ST6GALNAC3: variants seen among roughly 807,000 people sequenced by gnomAD.
ST6GALNAC3 encodes alpha-N-acetylgalactosaminide alpha-2,6-sialyltransferase 3.
Under a neutral mutation model 32.7 loss-of-function variants are expected in ST6GALNAC3, and 25 were observed. The observed-to-expected ratio is 0.76, with a 90% confidence interval of 0.56 to 1.07. The LOEUF (loss-of-function observed/expected upper bound fraction) is 1.07. Among genes scored for constraint, ST6GALNAC3 ranks in the 50% least tolerant of loss-of-function variants. The probability of loss-of-function intolerance (pLI) is 0.00; values close to 1 mark genes in which losing one functional copy is unlikely to be tolerated. For synonymous variants in ST6GALNAC3, 129 were observed against 133.1 expected (o/e 0.97, Z 0.21); for missense variants, 355 against 382.4 (o/e 0.93, Z 0.60).
At chr1:76,086,355 G>C (rs1309861262) in intron 1 of ST6GALNAC3, among the ~76,000 whole-genome samples, 1 of 152,158 alleles carries the variant, frequency 6.6e-6, no homozygotes, top group African/African-American at 2.4e-5. Context: ...GGTGAAAGAC[G>C]ATAGTTTTTT....
chr1:76,276,285 C>A (rs1411081558), intron 1 of ST6GALNAC3, among the ~76,000 whole-genome samples: 3 of 151,892 alleles, frequency 2.0e-5, no homozygotes, highest in Admixed American at 2.0e-4. Context: ...CTCCTATATC[C>A]CCTGACAGGG....
intron 3 of ST6GALNAC3, among the ~76,000 whole-genome samples, chr1:76,536,062 T>C (rs1189970671): frequency 6.6e-6 from 1 of 152,096 alleles, no homozygotes; most frequent in Non-Finnish European, 1.5e-5. Flanking sequence ...AATGTTAAGA[T>C]AAAATAAGAT....
intron 3 of ST6GALNAC3, among the ~76,000 whole-genome samples, chr1:76,422,492 G>T (rs1655091509): frequency 6.6e-6 from 1 of 151,916 alleles, no homozygotes; most frequent in Non-Finnish European, 1.5e-5. Context: ...TGATTTCTTT[G>T]GTATCCAGGG....
At chr1:76,533,495 G>A (rs1466184961) in intron 3 of ST6GALNAC3, among the ~76,000 whole-genome samples, 4 of 152,018 alleles carry the variant, frequency 2.6e-5, no homozygotes, top group Admixed American at 2.6e-4. Flanking sequence ...CAGGAACCCC[G>A]CTTCAGTCCA....
At chr1:76,352,077 C>G (rs1311368294) in intron 2 of ST6GALNAC3, among the ~76,000 whole-genome samples, 1 of 152,028 alleles carries the variant, frequency 6.6e-6, no homozygotes, top group Non-Finnish European at 1.5e-5. Context: ...ATTGTCTTAA[C>G]CAGGCTCCTT....
chr1:76,571,116 A>G (rs1665833408), intron 3 of ST6GALNAC3, among the ~76,000 whole-genome samples: 1 of 152,112 alleles, frequency 6.6e-6, no homozygotes, highest in Non-Finnish European at 1.5e-5. Flanking sequence ...TGTCTTTTGC[A>G]TTTAATTTTA....
chr1:76,442,085 A>G (rs1428925396), intron 3 of ST6GALNAC3, among the ~76,000 whole-genome samples: 1 of 152,232 alleles, frequency 6.6e-6, no homozygotes, highest in Non-Finnish European at 1.5e-5. Context: ...AACATATGAG[A>G]GGCTGAGACC....
At chr1:76,290,825 G>A (rs1340262755) in intron 1 of ST6GALNAC3, among the ~76,000 whole-genome samples, 2 of 152,174 alleles carry the variant, frequency 1.3e-5, no homozygotes, top group African/African-American at 2.4e-5. Flanking sequence ...ATCAGCTGCT[G>A]TGTGTCCCTG....
intron 1 of ST6GALNAC3, among the ~76,000 whole-genome samples, chr1:76,294,637 C>T (rs978546977): frequency 1.3e-5 from 2 of 151,682 alleles, no homozygotes; most frequent in African/African-American, 2.4e-5. Context: ...TATTTCTGGG[C>T]GGTAAAAGGC....
At chr1:76,426,388 G>T (rs761578328) in intron 3 of ST6GALNAC3, among the ~76,000 whole-genome samples, 5 of 151,754 alleles carry the variant, frequency 3.3e-5, no homozygotes, top group Non-Finnish European at 5.9e-5. Flanking sequence ...GGCCTACACA[G>T]GGTCAGCATC....
At chr1:76,599,758 G>A (rs1432562620) in intron 3 of ST6GALNAC3, among the ~76,000 whole-genome samples, 1 of 114,148 alleles carries the variant, frequency 8.8e-6, no homozygotes, top group Non-Finnish European at 1.9e-5. Context: ...GTGTGTGTGT[G>A]TGTGTAATGT....
intron 3 of ST6GALNAC3, among the ~76,000 whole-genome samples, chr1:76,530,149 T>C (rs1663166859): frequency 6.6e-6 from 1 of 152,156 alleles, no homozygotes; most frequent in African/African-American, 2.4e-5. Context: ...CTCGGTGAAA[T>C]AGGTTAGCAA....
intron 2 of ST6GALNAC3, among the ~76,000 whole-genome samples, chr1:76,342,710 C>T (rs1406106539): frequency 1.3e-5 from 2 of 151,944 alleles, no homozygotes; most frequent in Admixed American, 6.6e-5. Context: ...TATAAGCTTT[C>T]CCTTTTCTCT....
intron 1 of ST6GALNAC3, among the ~76,000 whole-genome samples, chr1:76,101,972 G>A (rs1647243659): frequency 6.6e-6 from 1 of 152,032 alleles, no homozygotes; most frequent in African/African-American, 2.4e-5. Context: ...TGAGTGCAAT[G>A]TTCTATATGT....
intron 1 of ST6GALNAC3, among the ~76,000 whole-genome samples, chr1:76,186,204 A>G (rs1355309916): frequency 6.6e-6 from 1 of 152,134 alleles, no homozygotes; most frequent in Non-Finnish European, 1.5e-5. Context: ...TAAGTGTGTG[A>G]ATGGCAGTCA....
chr1:76,424,263 G>A (rs981355464), intron 3 of ST6GALNAC3, among the ~76,000 whole-genome samples: 5 of 151,686 alleles, frequency 3.3e-5, no homozygotes, highest in Non-Finnish European at 5.9e-5. Flanking sequence ...CTGACAGCTC[G>A]CCATCCCATC....
At chr1:76,140,489 G>T (rs909703052) in intron 1 of ST6GALNAC3, among the ~76,000 whole-genome samples, 4 of 151,894 alleles carry the variant, frequency 2.6e-5, no homozygotes, top group African/African-American at 9.7e-5. Context: ...TCCTCTTTGT[G>T]GACTCCTATT....
chr1:76,419,944 C>CTTTTTTTTTTTTTTTTTTTTTTTTTTTTT (rs66531652), intron 3 of ST6GALNAC3, among the ~76,000 whole-genome samples: 1 of 138,806 alleles, frequency 7.2e-6, no homozygotes, highest in Admixed American at 7.2e-5. Context: ...TTCTTTCTTT[C>CTTTTTTTTTTTTTTTTTTTTTTTTTTTTT]TTTTTTTTTT....
intron 1 of ST6GALNAC3, among the ~76,000 whole-genome samples, chr1:76,208,389 A>G (rs1654954319): frequency 6.6e-6 from 1 of 152,268 alleles, no homozygotes; most frequent in East Asian, 1.9e-4. Context: ...TCGTGTTTAT[A>G]GCTAAACATT....
Sources: gnomAD v4.1 joint callset for allele counts (sites outside exome capture counted in the v4.1 genomes callset) on GRCh38, gnomAD v4.1.1 for gene constraint, MANE v1.5 for transcripts, NCBI Gene and HGNC (gene_info 2026-07-23, HGNC 2026-07-21) for gene names.